Variants in MACROD2 observed in about 807,000 individuals in gnomAD.
MACROD2 encodes the protein mono-ADP ribosylhydrolase 2.
Under a neutral mutation model 70.4 loss-of-function variants are expected in MACROD2, and 36 were observed. That is an observed-to-expected ratio of 0.51 (90% CI 0.39 to 0.68). MACROD2 has a LOEUF of 0.68. Among genes scored for constraint, MACROD2 ranks in the 30% least tolerant of loss-of-function variants. The probability of loss-of-function intolerance (pLI) is 0.00; values close to 1 mark genes in which losing one functional copy is unlikely to be tolerated. For synonymous variants in MACROD2, 172 were observed against 178.8 expected, an observed-to-expected ratio of 0.96 and a Z score of 0.30; for missense variants, 496 against 538.4, an observed-to-expected ratio of 0.92 and a Z score of 0.78.
chr20:15,612,031 C>G (rs557852995), intron 8 of MACROD2, among the ~76,000 whole-genome samples: 1 of 151,814 alleles, frequency 6.6e-6, no homozygotes, highest in Admixed American at 6.6e-5. Flanking sequence ...AGGGAGCTAA[C>G]ATAATGGTGA....
intron 5 of MACROD2, among the ~76,000 whole-genome samples, chr20:15,021,248 A>ATACGCACACCTGTGTGCG (rs1555774718): frequency 1.9e-5 from 1 of 53,326 alleles, no homozygotes; most frequent in African/African-American, 9.1e-5. Context: ...ACCTGTGTGT[A>ATACGCACACCTGTGTGCG]TGTATACACA....
intron 8 of MACROD2, among the ~76,000 whole-genome samples, chr20:15,713,991 A>ACACGCACACG (rs372048702): frequency 8.5e-6 from 1 of 117,014 alleles, no homozygotes; most frequent in Non-Finnish European, 1.6e-5. Context: ...ACATATGCAC[A>ACACGCACACG]CACACACACA....
At chr20:15,814,634 T>A (rs1170876648) in intron 8 of MACROD2, among the ~76,000 whole-genome samples, 3 of 152,254 alleles carry the variant, frequency 2.0e-5, no homozygotes, top group African/African-American at 7.2e-5. Flanking sequence ...ACAAATAAGA[T>A]AACTACTATT....
At chr20:15,645,862 T>C (rs73103781) in intron 8 of MACROD2, among the ~76,000 whole-genome samples, 321 of 152,346 alleles carry the variant, frequency 2.1e-3, no homozygotes, top group Non-Finnish European at 3.0e-3. Flanking sequence ...TTACACTCTG[T>C]TGGATTAAGA....
chr20:14,664,241 T>C (rs1256717862), intron 4 of MACROD2, among the ~76,000 whole-genome samples: 1 of 152,110 alleles, frequency 6.6e-6, no homozygotes, highest in Non-Finnish European at 1.5e-5. Context: ...CACAAAAAGA[T>C]ACAACTGGAG....
intron 3 of MACROD2, among the ~76,000 whole-genome samples, chr20:14,318,091 G>A (rs2082628892): frequency 6.6e-6 from 1 of 152,162 alleles, no homozygotes; most frequent in Non-Finnish European, 1.5e-5. Context: ...AAATTAAAAT[G>A]CGAGTTTCCA....
intron 5 of MACROD2, among the ~76,000 whole-genome samples, chr20:15,068,453 A>G (rs2123100890): frequency 6.6e-6 from 1 of 152,298 alleles, no homozygotes; most frequent in African/African-American, 2.4e-5. Flanking sequence ...TCATATAGAA[A>G]TGTGACCCCC....
At chr20:14,147,836 T>C (rs914466401) in intron 3 of MACROD2, among the ~76,000 whole-genome samples, 4 of 152,128 alleles carry the variant, frequency 2.6e-5, no homozygotes, top group African/African-American at 9.7e-5. Flanking sequence ...TTATTAAACC[T>C]ATTTTTAGAA....
chr20:15,524,171 C>T (rs1202652992), intron 8 of MACROD2, among the ~76,000 whole-genome samples: 2 of 152,044 alleles, frequency 1.3e-5, no homozygotes, highest in Non-Finnish European at 2.9e-5. Context: ...CTGTTGAGTG[C>T]TAAAAGTGAG....
At chr20:14,759,630 C>T (rs1318670366) in intron 5 of MACROD2, among the ~76,000 whole-genome samples, 1 of 151,992 alleles carries the variant, frequency 6.6e-6, no homozygotes, top group African/African-American at 2.4e-5. Flanking sequence ...TGACAAATTA[C>T]AGAAAATATT....
At chr20:16,002,290 G>A (rs1321820808) in intron 15 of MACROD2, among the ~76,000 whole-genome samples, 6 of 152,154 alleles carry the variant, frequency 3.9e-5, no homozygotes, top group African/African-American at 1.2e-4. Context: ...GCCTGGAGTA[G>A]ACAGAACAAT....
intron 8 of MACROD2, among the ~76,000 whole-genome samples, chr20:15,508,122 A>C (rs751956373): frequency 6.6e-6 from 1 of 152,180 alleles, no homozygotes; most frequent in African/African-American, 2.4e-5. Flanking sequence ...ACCAACCTAC[A>C]GTCCTATGTA....
chr20:15,779,718 C>A (rs1366316068), intron 8 of MACROD2, among the ~76,000 whole-genome samples: 1 of 152,128 alleles, frequency 6.6e-6, no homozygotes, highest in Non-Finnish European at 1.5e-5. Context: ...TCTCTTGATA[C>A]TTCTTCCCAT....
intron 5 of MACROD2, among the ~76,000 whole-genome samples, chr20:14,892,237 C>T (rs988082334): frequency 3.3e-5 from 5 of 151,956 alleles, no homozygotes; most frequent in African/African-American, 7.3e-5. Context: ...TTTGGGAGGC[C>T]GAGGCAGATG....
At chr20:15,412,838 T>C (rs75276716) in intron 6 of MACROD2, among the ~76,000 whole-genome samples, 2,617 of 152,280 alleles carry the variant, frequency 0.017, 31 homozygotes, top group Non-Finnish European at 0.027. Context: ...CTAAATTTCT[T>C]ATCTGGACAA....
chr20:15,612,553 G>T (rs1414586169), intron 8 of MACROD2, among the ~76,000 whole-genome samples: 2 of 152,174 alleles, frequency 1.3e-5, no homozygotes, highest in Non-Finnish European at 2.9e-5. Context: ...CATAGGACAC[G>T]TAGCAAAATA....
chr20:15,467,890 T>G (rs1166853309), intron 7 of MACROD2, among the ~76,000 whole-genome samples: 1 of 152,188 alleles, frequency 6.6e-6, no homozygotes, highest in East Asian at 1.9e-4. Context: ...AAGTTCTTAC[T>G]GAAATGAAAG....
chr20:14,672,872 C>A (rs1399973719), intron 4 of MACROD2, among the ~76,000 whole-genome samples: 1 of 152,124 alleles, frequency 6.6e-6, no homozygotes, highest in African/African-American at 2.4e-5. Flanking sequence ...CTACTGTCAT[C>A]TATATATTAA....
chr20:15,575,197 T>C (rs1266806753), intron 8 of MACROD2, among the ~76,000 whole-genome samples: 6 of 152,192 alleles, frequency 3.9e-5, no homozygotes, highest in African/African-American at 1.4e-4. Context: ...TCTTGCAAGG[T>C]TTGCTTTCAG....
Sources: allele counts gnomAD v4.1 joint callset (sites outside exome capture counted in the v4.1 genomes callset), GRCh38; gene constraint gnomAD v4.1.1; transcripts MANE v1.5; gene names NCBI Gene and HGNC (gene_info 2026-07-23, HGNC 2026-07-21).